LRP1B: variants seen among roughly 807,000 people sequenced by gnomAD.
The protein encoded by LRP1B is low-density lipoprotein receptor-related protein 1B.
LRP1B carries 217 observed loss-of-function variants against 556.6 expected under a neutral mutation model. The ratio of observed to expected loss-of-function variants is 0.39; its 90% CI spans 0.35 to 0.44. The LOEUF is 0.44. Among genes scored for constraint, LRP1B ranks in the 20% least tolerant of loss-of-function variants. The pLI is 1.00. For missense variants in LRP1B, 5,053 were observed against 5,620.8 expected, an observed-to-expected ratio of 0.90 and a Z score of 3.23; for synonymous variants, 2,047 against 1,865.8, an observed-to-expected ratio of 1.10 and a Z score of -2.50.
chr2:140,894,122 T>G (rs1693878835), intron 23 of LRP1B, among the ~76,000 whole-genome samples: 1 of 152,198 alleles, frequency 6.6e-6, no homozygotes, highest in African/African-American at 2.4e-5. Flanking sequence ...CCCCATAGCT[T>G]CATTCCCCTG....
intron 3 of LRP1B, among the ~76,000 whole-genome samples, chr2:141,453,210 C>T (rs558401355): frequency 1.1e-4 from 17 of 151,980 alleles, no homozygotes; most frequent in Non-Finnish European, 2.5e-4. Context: ...ACACTCCAGC[C>T]TGGGTGACAA....
intron 5 of LRP1B, among the ~76,000 whole-genome samples, chr2:141,238,673 G>A (rs1237953055): frequency 6.6e-6 from 1 of 152,044 alleles, no homozygotes; most frequent in African/African-American, 2.4e-5. Context: ...AGTGAGTAAC[G>A]TATAGGAGTA....
chr2:140,362,118 C>T (rs540689211), intron 72 of LRP1B, among the ~76,000 whole-genome samples: 1 of 151,778 alleles, frequency 6.6e-6, no homozygotes, highest in South Asian at 2.1e-4. Context: ...CTGTTGTCAT[C>T]TCAACCCAAG....
At position 141,337,097 on chromosome 2, in the gene LRP1B, A is replaced by G. The variant is rs183864317; in HGVS notation, c.344-82456T>C. On this transcript the variant is annotated intron_variant, in intron 3 of 90. Coordinates refer to ENST00000389484, the MANE Select transcript of LRP1B (RefSeq NM_018557.3). ...GGACACATGATAGCTGTGTATTTAAATGTCTAAAAAAAACTGCCAAACTGT... is the reference window on the plus strand; with the variant it reads ...GGACACATGATAGCTGTGTATTTAAGTGTCTAAAAAAAACTGCCAAACTGT... Among the ~76,000 whole-genome samples, 436 of 152,210 alleles carry G rather than the reference A, an allele frequency of 2.9e-3. 1 individual carries two copies. Among genetic ancestry groups the G allele is most frequent in the African/African-American group, 0.01 (419 of 41,514 alleles).
At chr2:141,795,865 T>A (rs1389208634) in intron 2 of LRP1B, among the ~76,000 whole-genome samples, 10 of 65,970 alleles carry the variant, frequency 1.5e-4, no homozygotes, top group African/African-American at 6.2e-4. Flanking sequence ...GCAATATATA[T>A]ATATATATAT....
intron 3 of LRP1B, among the ~76,000 whole-genome samples, chr2:141,475,211 A>G (rs1015350357): frequency 1.3e-5 from 2 of 152,094 alleles, no homozygotes; most frequent in African/African-American, 4.8e-5. Flanking sequence ...CCTCTATACT[A>G]AAAATACAAA....
intron 3 of LRP1B, among the ~76,000 whole-genome samples, chr2:141,279,888 C>A (rs924782496): frequency 6.6e-6 from 1 of 152,018 alleles, no homozygotes; most frequent in Admixed American, 6.6e-5. Context: ...TGTCTCAAGG[C>A]AAGCTAGTCA....
At chr2:140,413,070 C>T (rs79093544) in intron 66 of LRP1B, among the ~76,000 whole-genome samples, 1,825 of 152,148 alleles carry the variant, frequency 0.012, 40 homozygotes, top group African/African-American at 0.042. Context: ...TTTTAAAAGA[C>T]ACCCTAAATA....
chr2:140,547,692 G>A (rs559793964), intron 43 of LRP1B, among the ~76,000 whole-genome samples: 18 of 152,056 alleles, frequency 1.2e-4, no homozygotes, highest in Admixed American at 1.2e-3. Context: ...AATTATATGA[G>A]TGGAGGCACT....
chr2:140,616,275 G>A (rs1163742176), intron 41 of LRP1B, among the ~76,000 whole-genome samples: 2 of 151,942 alleles, frequency 1.3e-5, no homozygotes, highest in East Asian at 1.9e-4. Context: ...CAATGCTTTA[G>A]GACAGAATTA....
intron 1 of LRP1B, among the ~76,000 whole-genome samples, chr2:141,836,622 T>C (rs1404954030): frequency 6.6e-6 from 1 of 151,992 alleles, no homozygotes; most frequent in Non-Finnish European, 1.5e-5. Flanking sequence ...AGTGTAATTT[T>C]GTAACACATA....
chr2:141,433,442 C>T (rs7585927), intron 3 of LRP1B, among the ~76,000 whole-genome samples: 39,659 of 151,810 alleles, frequency 0.26, 5,447 homozygotes, highest in African/African-American at 0.34. Flanking sequence ...TATTTTCTTA[C>T]GGATCTTCTG....
At chr2:140,442,770 C>A in intron 65 of LRP1B, 147 bp from the exon 66 acceptor site, 1 of 692,168 alleles carries the variant, frequency 1.4e-6, no homozygotes. Context: ...GGAATTTTAA[C>A]TTTTAATTCC....
At chr2:140,623,171 C>T (rs1163635022) in intron 41 of LRP1B, among the ~76,000 whole-genome samples, 3 of 152,178 alleles carry the variant, frequency 2.0e-5, no homozygotes, top group African/African-American at 7.2e-5. Flanking sequence ...AGAACATCTT[C>T]AGTCACATTG....
At chr2:141,300,284 G>T (rs187494438) in intron 3 of LRP1B, among the ~76,000 whole-genome samples, 1 of 152,200 alleles carries the variant, frequency 6.6e-6, no homozygotes, top group East Asian at 1.9e-4. Flanking sequence ...AAGATTGAGG[G>T]AATCCCAAAG....
At chr2:141,389,156 G>A (rs1293068822) in intron 3 of LRP1B, among the ~76,000 whole-genome samples, 1 of 152,094 alleles carries the variant, frequency 6.6e-6, no homozygotes, top group African/African-American at 2.4e-5. Context: ...AATTACAAGG[G>A]TCTCTGAGTA....
chr2:141,049,327 A>T (rs1213668826), intron 10 of LRP1B, 105 bp from the exon 11 acceptor site: 1 of 748,048 alleles, frequency 1.3e-6, no homozygotes, highest in Admixed American at 2.3e-5. Flanking sequence ...TTTAAATTCA[A>T]TGCTAAAAAT....
At chr2:141,538,996 T>A (rs1040677271) in intron 2 of LRP1B, among the ~76,000 whole-genome samples, 8 of 152,174 alleles carry the variant, frequency 5.3e-5, no homozygotes, top group Non-Finnish European at 1.0e-4. Context: ...TGTGCACACA[T>A]GTATATATTC....
chr2:140,531,036 A>T (rs13419625), intron 47 of LRP1B, among the ~76,000 whole-genome samples: 9,453 of 152,224 alleles, frequency 0.062, 490 homozygotes, highest in African/African-American at 0.15. Context: ...AGAATTTAAT[A>T]AACACCTACC....
Sources: gnomAD v4.1 joint callset for allele counts (sites outside exome capture counted in the v4.1 genomes callset) on GRCh38, gnomAD v4.1.1 for gene constraint, MANE v1.5 for transcripts, NCBI Gene and HGNC (gene_info 2026-07-23, HGNC 2026-07-21) for gene names.